Variants in TMEM231 observed in about 807,000 individuals in gnomAD.
TMEM231 encodes the protein transmembrane protein 231.
TMEM231 carries 40 observed loss-of-function variants against 38.5 expected under a neutral mutation model. The observed-to-expected ratio is 1.04, with a 90% CI of 0.81 to 1.35. The LOEUF (loss-of-function observed/expected upper bound fraction) is 1.35, where lower values mean the gene tolerates loss of function less well. Ranked by LOEUF, TMEM231 falls within the 40% of genes most tolerant of loss-of-function variation. The probability of loss-of-function intolerance (pLI) is 0.00; values close to 1 mark genes in which losing one functional copy is unlikely to be tolerated. For missense variants in TMEM231, 420 were observed against 416.9 expected (o/e 1.01, Z -0.07); for synonymous variants, 199 against 181.7 (o/e 1.10, Z -0.77).
Position 75,542,620 on chromosome 16 carries a change from C to T in TMEM231, c.646G>A (p.Ala216Thr), listed in dbSNP as rs764629306. The T allele has an allele frequency of 2.5e-6, 4 of 1,613,864 alleles. No homozygotes were observed. Among genetic ancestry groups the T allele is most frequent in the Non-Finnish European group, 3.4e-6 (4 of 1,179,862 alleles). The change falls in exon 5 of 7, where the codon GCC becomes ACC. Residue 216 changes from alanine (A) to threonine (T), a missense_variant. Ala to Thr is a moderately conservative substitution (Grantham distance 58). Transcript: ENST00000258173. Reference sequence around the variant, plus strand: ...GACTCACCGTTCCTCTCCTGGTAGGCAGCAACAATATGGGTGAGGTCGTAG... The same window carrying T: ...GACTCACCGTTCCTCTCCTGGTAGGTAGCAACAATATGGGTGAGGTCGTAG... Reference protein sequence around the residue: ...YDYDLTHIVAAYQERNVTTVL... With the variant: ...YDYDLTHIVATYQERNVTTVL...
chr16:75,544,156 G>C (rs1451100220), intron 4 of TMEM231, among the ~76,000 whole-genome samples: 1 of 152,176 alleles, frequency 6.6e-6, no homozygotes, highest in Non-Finnish European at 1.5e-5. Context: ...CATCTGCCAG[G>C]CAGTGTGCTA....
Position 75,545,343 on chromosome 16 carries a change from C to T in TMEM231, c.582+9G>A, listed in dbSNP as rs1266194059. The T allele has an allele frequency of 1.6e-5, 25 of 1,607,382 alleles. No homozygotes were observed. Among genetic ancestry groups the T allele is most frequent in the South Asian group, 3.3e-5 (3 of 90,722 alleles). On this transcript the variant is annotated intron_variant, in intron 4 of 6. Transcript: ENST00000258173. ...AACAAAGGAGCTGGACAATGAGAAG[C>T]GCTCTTACGTTGTATCGGGCATCTA...
At chr16:75,551,184 TTCTACCTG>T (rs2151706733) in intron 2 of TMEM231, among the ~76,000 whole-genome samples, 1 of 152,346 alleles carries the variant, frequency 6.6e-6, no homozygotes, top group South Asian at 2.1e-4. Flanking sequence ...CTTTCCACCT[TTCTACCTG>T]TATTTCTTTT....
chr16:75,545,881 G>A lies in TMEM231; in HGVS notation c.383C>T (p.Ser128Phe). The change falls in exon 3 of 7, where the codon TCC becomes TTC. Residue 128 changes from serine (S) to phenylalanine (F), a missense_variant. By Grantham distance (155) the Ser-to-Phe change is radical. Coordinates refer to ENST00000258173, the MANE Select transcript of TMEM231 (RefSeq NM_001077418.3). ...CTGCACACCGAGAACGTGCTCCGTG[G>A]ACTGCAGGGGAAGCTCCAGCTTAAA... Reference protein sequence around the residue: ...LHFKLELPLQSTEHVLGVQLI... With the variant: ...LHFKLELPLQFTEHVLGVQLI... The A allele has an allele frequency of 6.8e-7, 1 of 1,468,522 alleles. No individual in the cohort carries two copies. The allele number at this position is 1,468,522 out of a possible 1,614,324, so 91.0% of individuals were successfully genotyped here. A position where few individuals can be genotyped will look rare whatever the true frequency, so the allele number is the denominator to read the frequency against.
In TMEM231 at chr16:75,550,656, T is replaced by C. The variant is rs994250600; in HGVS notation, c.310-4702A>G. Among the ~76,000 whole-genome samples, 3 of 152,148 alleles carry C rather than the reference T, an allele frequency of 2.0e-5. No homozygotes were observed. In the South Asian group the frequency reaches 6.2e-4, roughly 31 times the overall value. On this transcript the variant is annotated intron_variant, in intron 2 of 6. Coordinates refer to ENST00000258173, the MANE Select transcript of TMEM231 (RefSeq NM_001077418.3). ...CAGGAATTCCCAGCATCTGACGGTT[T>C]GTTGGAATTTTGTTTGGTTTCTGTT...
chr16:75,542,703 T>A lies in TMEM231; in HGVS notation c.583-20A>T, dbSNP rs375984875. ...GGATATCTGGGACACGGGAGGAGGA[T>A]GTGGTGTGAGCACCTGGGAGACTCC... On this transcript the variant is annotated intron_variant, in intron 4 of 6. Transcript: ENST00000258173. 2,749 of 1,612,656 alleles carry A rather than the reference T, an allele frequency of 1.7e-3. 4 individuals are homozygous for A. Among genetic ancestry groups the A allele is most frequent in the Admixed American group, 3.0e-3 (183 of 60,004 alleles).
rs188418883 is a variant in TMEM231 at position 75,555,479 on chromosome 16, C to G, written c.309+325G>C. On this transcript the variant is annotated intron_variant, in intron 2 of 6. Coordinates refer to ENST00000258173, the MANE Select transcript of TMEM231 (RefSeq NM_001077418.3). ...TTCCAGGCTCCTAAATGGACTTTCA[C>G]AAACACCCTCCATCAGGCCAGGCCC... The G allele has an allele frequency of 6.2e-4, 208 of 337,942 alleles. 1 individual carries two copies. In the Middle Eastern group the frequency reaches 9.8e-3, roughly 16 times the overall value. The allele number at this position is 337,942 out of a possible 1,614,324, so 20.9% of individuals were successfully genotyped here.
chr16:75,553,324 C>A (rs940731494), intron 2 of TMEM231, among the ~76,000 whole-genome samples: 2 of 152,162 alleles, frequency 1.3e-5, no homozygotes, highest in Non-Finnish European at 2.9e-5. Flanking sequence ...AGACTCTGTT[C>A]ACTTCAAAGC....
chr16:75,556,238 C>T lies in TMEM231; in HGVS notation c.-29G>A. ...CACCGCTCGCAGGCACTCCGCGAGC[C>T]GGGGGACCAAGTTTGGCTTCTCCTG... On this transcript the variant is annotated 5_prime_UTR_variant, in exon 1 of 7. Transcript: ENST00000258173. 2 of 1,391,454 alleles carry T rather than the reference C, an allele frequency of 1.4e-6. No individual in the cohort carries two copies. The highest frequency in any genetic ancestry group is 9.3e-7 in the Non-Finnish European group (1 of 1,076,756). The allele number at this position is 1,391,454 out of a possible 1,614,324, so 86.2% of individuals were successfully genotyped here.
chr16:75,541,516 A>G, intron 5 of TMEM231, 61 bp from the exon 6 acceptor site: 1 of 1,082,268 alleles, frequency 9.2e-7, no homozygotes, highest in Admixed American at 2.6e-5. Flanking sequence ...GTTGAAGGCT[A>G]TAAAGATTAT....
chr16:75,553,698 T>C (rs892601879), intron 2 of TMEM231, among the ~76,000 whole-genome samples: 5 of 151,914 alleles, frequency 3.3e-5, no homozygotes, highest in Admixed American at 3.3e-4. Flanking sequence ...TAATTTTTTA[T>C]TTTTTTGAAA....
chr16:75,550,357 T>C (rs562436133), intron 2 of TMEM231, among the ~76,000 whole-genome samples: 202 of 152,352 alleles, frequency 1.3e-3, no homozygotes, highest in Non-Finnish European at 2.1e-3. Flanking sequence ...ACAGTGGTTC[T>C]TCACCCTGGC....
At chr16:75,549,939 C>G (rs1252495733) in intron 2 of TMEM231, among the ~76,000 whole-genome samples, 1 of 152,130 alleles carries the variant, frequency 6.6e-6, no homozygotes, top group African/African-American at 2.4e-5. Context: ...AAACTCCTGA[C>G]CTTGGGTGAT....
At chr16:75,540,224 A>G (rs765663782) in intron 6 of TMEM231, 50 bp from the exon 7 acceptor site, 2 of 1,539,008 alleles carry the variant, frequency 1.3e-6, no homozygotes, top group Non-Finnish European at 1.8e-6. Flanking sequence ...GTATGAAGAG[A>G]AAATCCAAGA....
In TMEM231 at chr16:75,538,114, A is replaced by G. The variant is rs2550887; in HGVS notation, c.*1880T>C. ...CTTTCCCTCGAAAAAGGTACATGTG[A>G]TCTTCCATTTTGACTTTTTTATTTA... is the stretch of plus-strand genomic sequence containing the variant. On this transcript the variant is annotated 3_prime_UTR_variant, in exon 7 of 7. Transcript: ENST00000258173. The G allele has an allele frequency of 0.27, 40,375 of 151,914 alleles. 5,491 individuals are homozygous for G. Among genetic ancestry groups the G allele is most frequent in the Middle Eastern group, 0.32 (95 of 294 alleles). 9.4% of individuals were successfully genotyped at this position (151,914 alleles called of 1,614,324 possible).
chr16:75,544,471 A>T (rs956141836), intron 4 of TMEM231, among the ~76,000 whole-genome samples: 2 of 151,966 alleles, frequency 1.3e-5, no homozygotes, highest in Admixed American at 1.3e-4. Flanking sequence ...CAAAAAGGCC[A>T]GGGGGGCTGG....
Position 75,538,090 on chromosome 16 carries a change from T to A in TMEM231, c.*1904A>T, listed in dbSNP as rs1049499454. 2 of 152,158 alleles carry A rather than the reference T, an allele frequency of 1.3e-5. No homozygotes were observed. Among genetic ancestry groups the A allele is most frequent in the African/African-American group, 4.8e-5 (2 of 41,430 alleles). 9.4% of individuals were successfully genotyped at this position (152,158 alleles called of 1,614,324 possible). ...CCCTATTCTTTGCCATTCCAAACCC[T>A]TTCCCTCGAAAAAGGTACATGTGAT... On this transcript the variant is annotated 3_prime_UTR_variant, in exon 7 of 7. Transcript: ENST00000258173.
chr16:75,542,480 C>T (rs754301939), intron 5 of TMEM231, 122 bp downstream of exon 5: 72 of 906,302 alleles, frequency 7.9e-5, no homozygotes, highest in Admixed American at 5.0e-4. Context: ...TTGCTCCCAT[C>T]GTTGAGCATT....
At chr16:75,550,876 C>T (rs2080752323) in intron 2 of TMEM231, among the ~76,000 whole-genome samples, 1 of 151,970 alleles carries the variant, frequency 6.6e-6, no homozygotes, top group Non-Finnish European at 1.5e-5. Flanking sequence ...GCCATCACAC[C>T]CGGCTAATTT....
Sources: allele counts gnomAD v4.1 joint callset (sites outside exome capture counted in the v4.1 genomes callset), GRCh38; gene constraint gnomAD v4.1.1; transcripts MANE v1.5; gene names NCBI Gene and HGNC (gene_info 2026-07-23, HGNC 2026-07-21).